Variants in MNAT1 observed in about 807,000 individuals in gnomAD.
MNAT1 encodes CDK-activating kinase assembly factor MAT1.
MNAT1 carries 43 observed loss-of-function variants against 42.0 expected under a neutral mutation model. The observed-to-expected ratio is 1.02, with a 90% CI of 0.80 to 1.32. The LOEUF (loss-of-function observed/expected upper bound fraction) is 1.32. Ranked by LOEUF, MNAT1 falls within the 40% of genes most tolerant of loss-of-function variation. MNAT1 has a pLI of 0.00. For synonymous variants in MNAT1, 118 were observed against 120.0 expected (o/e 0.98, Z 0.11); for missense variants, 306 against 350.4 (o/e 0.87, Z 1.01).
At chr14:60,763,275 G>C (rs1225610798) in intron 1 of MNAT1, among the ~76,000 whole-genome samples, 2 of 152,064 alleles carry the variant, frequency 1.3e-5, no homozygotes, top group Middle Eastern at 3.2e-3. Context: ...TGCATTGCTG[G>C]TTAGGACTTT....
chr14:60,774,417 T>C (rs1215937958), intron 1 of MNAT1, among the ~76,000 whole-genome samples: 1 of 152,186 alleles, frequency 6.6e-6, no homozygotes, highest in African/African-American at 2.4e-5. Flanking sequence ...GGTCAGGTCA[T>C]GTAGTATCTT....
At chr14:60,898,095 T>TTGTGTGTGTG (rs756357048) in intron 7 of MNAT1, among the ~76,000 whole-genome samples, 33 of 143,782 alleles carry the variant, frequency 2.3e-4, no homozygotes, top group African/African-American at 8.3e-4. Context: ...TAGTAATACA[T>TTGTGTGTGTG]TGTGTGTGTG....
At chr14:60,833,909 T>C (rs2033296273) in intron 6 of MNAT1, among the ~76,000 whole-genome samples, 1 of 152,190 alleles carries the variant, frequency 6.6e-6, no homozygotes, top group South Asian at 2.1e-4. Flanking sequence ...CTTGGGAGGA[T>C]GTATGTGTCC....
At chr14:60,921,736 A>T (rs1326228872) in intron 7 of MNAT1, among the ~76,000 whole-genome samples, 1 of 152,204 alleles carries the variant, frequency 6.6e-6, no homozygotes, top group African/African-American at 2.4e-5. Flanking sequence ...CGTGAAGGTA[A>T]TGTTGCCATG....
At chr14:60,761,417 A>T (rs2030595238) in intron 1 of MNAT1, among the ~76,000 whole-genome samples, 1 of 152,196 alleles carries the variant, frequency 6.6e-6, no homozygotes, top group Non-Finnish European at 1.5e-5. Flanking sequence ...TCTAAGTGAA[A>T]ACTATAATTT....
At chr14:60,872,463 TC>T (rs935076229) in intron 6 of MNAT1, among the ~76,000 whole-genome samples, 2 of 152,182 alleles carry the variant, frequency 1.3e-5, no homozygotes, top group African/African-American at 4.8e-5. Context: ...ACATTTTGCT[TC>T]CCACCTCAGC....
chr14:60,758,234 T>A (rs2030445774), intron 1 of MNAT1, among the ~76,000 whole-genome samples: 1 of 150,976 alleles, frequency 6.6e-6, no homozygotes, highest in Non-Finnish European at 1.5e-5. Context: ...TGAGGTAGGG[T>A]TTTGCTTTGT....
intron 6 of MNAT1, among the ~76,000 whole-genome samples, chr14:60,879,056 A>C (rs140800263): frequency 6.6e-6 from 1 of 151,928 alleles, no homozygotes; most frequent in Non-Finnish European, 1.5e-5. Context: ...TTTTCCTCAC[A>C]AATTGATGCA....
At chr14:60,893,844 A>G (rs1165493324) in intron 7 of MNAT1, among the ~76,000 whole-genome samples, 2 of 152,190 alleles carry the variant, frequency 1.3e-5, no homozygotes, top group East Asian at 3.9e-4. Context: ...TTTACTTAGA[A>G]TAAGTCTTAT....
intron 5 of MNAT1, among the ~76,000 whole-genome samples, chr14:60,818,144 G>C (rs1201253839): frequency 6.6e-6 from 1 of 151,870 alleles, no homozygotes; most frequent in Non-Finnish European, 1.5e-5. Flanking sequence ...ATGTGTCTGA[G>C]TGCTTATAAT....
At chr14:60,940,217 A>C (rs920738752) in intron 7 of MNAT1, among the ~76,000 whole-genome samples, 3 of 152,148 alleles carry the variant, frequency 2.0e-5, no homozygotes, top group African/African-American at 7.2e-5. Flanking sequence ...TAATTGGAGC[A>C]TTTAGCCCAT....
chr14:60,862,076 T>G (rs2034108085), intron 6 of MNAT1, among the ~76,000 whole-genome samples: 1 of 152,224 alleles, frequency 6.6e-6, no homozygotes, highest in Non-Finnish European at 1.5e-5. Context: ...ATGAGAGTGT[T>G]GTAGCAAGTT....
intron 6 of MNAT1, among the ~76,000 whole-genome samples, chr14:60,866,839 T>G (rs2034213482): frequency 6.6e-6 from 1 of 152,108 alleles, no homozygotes; most frequent in African/African-American, 2.4e-5. Context: ...CCTAATTTTT[T>G]TCCAACCTTT....
intron 6 of MNAT1, among the ~76,000 whole-genome samples, chr14:60,852,758 G>T (rs2033855875): frequency 6.6e-6 from 1 of 152,102 alleles, no homozygotes; most frequent in South Asian, 2.1e-4. Flanking sequence ...TCAGTTTTCT[G>T]CATATGGCTA....
chr14:60,789,100 G>A (rs895926409), intron 1 of MNAT1, among the ~76,000 whole-genome samples: 3 of 151,918 alleles, frequency 2.0e-5, no homozygotes, highest in Non-Finnish European at 4.4e-5. Context: ...ACCTGTGATT[G>A]TTTTTTTCAC....
chr14:60,906,561 T>G (rs952001941), intron 7 of MNAT1, among the ~76,000 whole-genome samples: 1 of 152,128 alleles, frequency 6.6e-6, no homozygotes, highest in Non-Finnish European at 1.5e-5. Flanking sequence ...CAAAATAATT[T>G]TTGATGGATT....
At chr14:60,738,506 G>A (rs1896373474) in intron 1 of MNAT1, among the ~76,000 whole-genome samples, 1 of 151,900 alleles carries the variant, frequency 6.6e-6, no homozygotes, top group Non-Finnish European at 1.5e-5. Flanking sequence ...CAGCCGCCTC[G>A]ATCCTCCCAA....
rs560915745 is a variant in MNAT1 at position 60,881,695 on chromosome 14, G to C, written c.809+1860G>C. Among the ~76,000 whole-genome samples the C allele has an allele frequency of 2.0e-5, 3 of 152,144 alleles. No homozygotes were observed. In the South Asian group the frequency reaches 6.2e-4, roughly 32 times the overall value. On this transcript the variant is annotated intron_variant, in intron 7 of 7. Coordinates refer to ENST00000261245, the MANE Select transcript of MNAT1 (RefSeq NM_002431.4). ...GGTATATATACAGTGGGCTATGGGA[G>C]ATATTTTGATACAAGCATGTAATGT...
chr14:60,914,259 C>T (rs1388644742), intron 7 of MNAT1, among the ~76,000 whole-genome samples: 4 of 152,350 alleles, frequency 2.6e-5, no homozygotes, highest in East Asian at 1.9e-4. Context: ...AATTCCCTGA[C>T]CCCTTGCGCT....
Sources: allele counts gnomAD v4.1 joint callset (sites outside exome capture counted in the v4.1 genomes callset), GRCh38; gene constraint gnomAD v4.1.1; transcripts MANE v1.5; gene names NCBI Gene and HGNC (gene_info 2026-07-23, HGNC 2026-07-21).